BCLAF1: variants seen among roughly 807,000 people sequenced by gnomAD.
BCLAF1 encodes the protein bcl-2-associated transcription factor 1.
In BCLAF1, 10 loss-of-function variants were observed where a neutral mutation model predicts 99.5. The ratio of observed to expected loss-of-function variants is 0.10; its 90% CI spans 0.06 to 0.17. The LOEUF (loss-of-function observed/expected upper bound fraction) is 0.17, where lower values mean the gene tolerates loss of function less well. BCLAF1 is among the 10% of genes least tolerant of loss of function. The pLI, the probability that BCLAF1 is intolerant of heterozygous loss-of-function variation, is 1.00. For missense variants in BCLAF1, 636 were observed against 1,105.8 expected (o/e 0.58, Z 6.02); for synonymous variants, 255 against 370.9 (o/e 0.69, Z 3.59).
intron 1 of BCLAF1, among the ~76,000 whole-genome samples, chr6:136,286,525 T>C (rs1785154303): frequency 6.6e-6 from 1 of 152,272 alleles, no homozygotes; most frequent in African/African-American, 2.4e-5. Flanking sequence ...GTATACAATC[T>C]AGCATTAGCC....
chr6:136,277,939 C>T lies in BCLAF1; in HGVS notation c.942G>A (p.Glu314=), dbSNP rs767298274. ...GATAAAACGAGGAACGGCCCCTAGACTCATCTCTTGGAGCATTCTGTGGTG... is the reference window on the plus strand; with the variant it reads ...GATAAAACGAGGAACGGCCCCTAGATTCATCTCTTGGAGCATTCTGTGGTG... The part of the protein sequence containing the change: ...TIAPQNAPRD[E]SRGRSSFYPD... Residue 314 remains glutamate, a synonymous_variant, in exon 4 of 13, where the codon GAG becomes GAA. Coordinates refer to ENST00000531224, the MANE Select transcript of BCLAF1 (RefSeq NM_014739.3). The T allele has an allele frequency of 6.3e-7, 1 of 1,590,912 alleles. No individual in the cohort carries two copies. The highest frequency in any genetic ancestry group is 1.1e-5 in the South Asian group (1 of 87,234).
chr6:136,258,541 G>A lies in BCLAF1; in HGVS notation c.*2569C>T, dbSNP rs1780610643. On this transcript the variant is annotated 3_prime_UTR_variant, in exon 13 of 13. Coordinates refer to ENST00000531224, the MANE Select transcript of BCLAF1 (RefSeq NM_014739.3). ...CGCTGATATTCTAAAATAGGCCACA[G>A]AAATAAGATGTGTGAAATAGACACA... 1 of 152,488 alleles carries A rather than the reference G, an allele frequency of 6.6e-6. No individual in the cohort carries two copies. The highest frequency in any genetic ancestry group is 1.5e-5 in the Non-Finnish European group (1 of 67,934). 9.4% of individuals were successfully genotyped at this position (152,488 alleles called of 1,614,324 possible). A position where few individuals can be genotyped will look rare whatever the true frequency, so the allele number is the denominator to read the frequency against.
chr6:136,280,952 T>C (rs937588303), intron 2 of BCLAF1, among the ~76,000 whole-genome samples: 1 of 152,196 alleles, frequency 6.6e-6, no homozygotes, highest in African/African-American at 2.4e-5. Context: ...AATACTTAAA[T>C]AGTATCTCCT....
At chr6:136,268,389 C>A (rs762550843) in intron 9 of BCLAF1, 50 bp from the exon 10 acceptor site, 23 of 1,469,778 alleles carry the variant, frequency 1.6e-5, no homozygotes, top group Non-Finnish European at 2.1e-5. Context: ...AAGATAAAGA[C>A]CCTGCTGAAT....
At chr6:136,270,835 G>A (rs748302382) in intron 8 of BCLAF1, among the ~76,000 whole-genome samples, 5 of 151,778 alleles carry the variant, frequency 3.3e-5, no homozygotes, top group Non-Finnish European at 7.4e-5. Flanking sequence ...CACTGTCAGA[G>A]CACGAGGACA....
chr6:136,282,327 T>A (rs1219340789), intron 2 of BCLAF1, among the ~76,000 whole-genome samples: 1 of 152,050 alleles, frequency 6.6e-6, no homozygotes, highest in Non-Finnish European at 1.5e-5. Flanking sequence ...TTCTATCTTG[T>A]ATGTCCTGAG....
rs1583984844 is a variant in BCLAF1, at chr6:136,256,877, T to A, written c.*4233A>T. On this transcript the variant is annotated 3_prime_UTR_variant, in exon 13 of 13. Transcript: ENST00000531224. ...CCACTATTCTGGAGGGTGAGTGGTA[T>A]TTTTTATTTATTGTTGCTCTTCGCA... The A allele has an allele frequency of 6.6e-6, 1 of 152,164 alleles. No individual in the cohort carries two copies. The highest frequency in any genetic ancestry group is 2.1e-4 in the South Asian group (1 of 4,822). 9.4% of individuals were successfully genotyped at this position (152,164 alleles called of 1,614,324 possible). A position where few individuals can be genotyped will look rare whatever the true frequency, so the allele number is the denominator to read the frequency against.
intron 1 of BCLAF1, among the ~76,000 whole-genome samples, chr6:136,284,575 TTAAAG>T (rs1351643168): frequency 1.3e-5 from 2 of 152,184 alleles, no homozygotes; most frequent in African/African-American, 2.4e-5. Flanking sequence ...GCTAGGTGAC[TTAAAG>T]TAAATAAAAT....
Position 136,274,447 on chromosome 6 carries a change from G to A in BCLAF1, c.1852+1085C>T, listed in dbSNP as rs1183611278. ...AATGTTTCATATTTTATGTACCACA[G>A]TAATATGGTCATAAACTGGTTCACA... On this transcript the variant is annotated intron_variant, in intron 6 of 12. Transcript: ENST00000531224. 3.3e-5 allele frequency among the ~76,000 whole-genome samples: 5 copies of A among 151,698 alleles called. No individual in the cohort carries two copies. The East Asian group carries it at 9.7e-4, about 29-fold the overall frequency.
chr6:136,272,161 A>G, intron 7 of BCLAF1, 82 bp from the exon 8 acceptor site: 1 of 988,546 alleles, frequency 1.0e-6, no homozygotes, highest in Non-Finnish European at 1.5e-6. Context: ...CCATTTTCCT[A>G]AGACAGTTAT....
Position 136,275,522 on chromosome 6 carries a change from C to T in BCLAF1, c.1852+10G>A. 1 of 1,529,524 alleles carries T rather than the reference C, an allele frequency of 6.5e-7. No homozygotes were observed. The highest frequency in any genetic ancestry group is 2.3e-5 in the East Asian group (1 of 43,658). 94.7% of individuals were successfully genotyped at this position (1,529,524 alleles called of 1,614,324 possible). ...AATTTAATTCACGATACTAAACATA[C>T]TAAGCATACCTTTAACATGATGAAC... On this transcript the variant is annotated intron_variant, in intron 6 of 12. Coordinates refer to ENST00000531224, the MANE Select transcript of BCLAF1 (RefSeq NM_014739.3).
intron 3 of BCLAF1, among the ~76,000 whole-genome samples, chr6:136,279,110 A>G (rs1584086002): frequency 6.6e-6 from 1 of 152,078 alleles, no homozygotes; most frequent in Non-Finnish European, 1.5e-5. Flanking sequence ...GATGTTGTAA[A>G]AGAATATTTA....
At chr6:136,272,381 G>T (rs564558161) in intron 7 of BCLAF1, among the ~76,000 whole-genome samples, 1 of 151,964 alleles carries the variant, frequency 6.6e-6, no homozygotes, top group African/African-American at 2.4e-5. Flanking sequence ...ATGATTTTAA[G>T]CATCAACAAA....
chr6:136,261,286 C>T lies in BCLAF1; in HGVS notation c.2736G>A (p.Lys912=), dbSNP rs766644301. Residue 912 remains lysine, a synonymous_variant, in exon 12 of 13, where the codon AAG becomes AAA. Transcript: ENST00000531224. ...EETMENNEEK[K]DRRKEEKE ...ATACCTTTTCTTCCTTGCGTCTGTC[C>T]TTCTTTTCTTCATTATTTTCCATGG... 2.0e-5 allele frequency: 33 copies of T among 1,613,312 alleles called. No homozygotes were observed. Among genetic ancestry groups the T allele is most frequent in the African/African-American group, 5.3e-5 (4 of 74,814 alleles).
chr6:136,259,363 C>T lies in BCLAF1; in HGVS notation c.*1747G>A, dbSNP rs1224898541. 1 of 151,972 alleles carries T rather than the reference C, an allele frequency of 6.6e-6. No individual in the cohort carries two copies. The highest frequency in any genetic ancestry group is 2.4e-5 in the African/African-American group (1 of 41,426). The allele number at this position is 151,972 out of a possible 1,614,324, so 9.4% of individuals were successfully genotyped here. A position where few individuals can be genotyped will look rare whatever the true frequency, so the allele number is the denominator to read the frequency against. On this transcript the variant is annotated 3_prime_UTR_variant, in exon 13 of 13. Transcript: ENST00000531224. ...TCATGCACACAGATTTGATGTCTAA[C>T]CAAGTAACTGTTATGGTATTTATTT...
rs571826030 is a variant in BCLAF1, at chr6:136,287,412, C to T, written c.-115+2301G>A. ...GTTAGTATATTCGTTGGTTTTCAGC[C>T]TTAGGGACAGTCAGATAAAATATTA... On this transcript the variant is annotated intron_variant, in intron 1 of 12. Transcript: ENST00000531224. Among the ~76,000 whole-genome samples, 181 of 152,220 alleles carry T rather than the reference C, an allele frequency of 1.2e-3. 4 individuals carry two copies. The Middle Eastern group carries it at 0.024, about 20-fold the overall frequency.
At chr6:136,276,532 T>C (rs376937026) in intron 4 of BCLAF1, 24 bp from the exon 5 acceptor site, 81 of 1,565,824 alleles carry the variant, frequency 5.2e-5, no homozygotes, top group African/African-American at 1.6e-4. Flanking sequence ...AAGAAGAGGA[T>C]AGTAACTCTG....
chr6:136,267,115 T>A lies in BCLAF1; in HGVS notation c.2458A>T (p.Asn820Tyr). Residue 820 changes from asparagine (N) to tyrosine (Y), a missense_variant, in exon 11 of 13, where the codon AAC (asparagine) becomes TAC (tyrosine). Asn to Tyr is a moderately radical substitution (Grantham distance 143). This residue lies in a region of BCLAF1 where 30 missense variants were observed against 22.9 expected (regional missense o/e 1.31). Transcript: ENST00000531224. ...TTTTGAAAAGTAGTATTTGAGTTGTTTGGACCAGTATTTGTCCCAGCAAAA... is the reference window on the plus strand; with the variant it reads ...TTTTGAAAAGTAGTATTTGAGTTGTATGGACCAGTATTTGTCCCAGCAAAA... ...GVFAGTNTGPNNSNTTFQKRP... is the reference protein window; with the variant it reads ...GVFAGTNTGPYNSNTTFQKRP... The A allele has an allele frequency of 6.2e-7, 1 of 1,613,278 alleles. No individual in the cohort carries two copies. Among genetic ancestry groups the A allele is most frequent in the Non-Finnish European group, 8.5e-7 (1 of 1,179,432 alleles).
intron 11 of BCLAF1, among the ~76,000 whole-genome samples, chr6:136,266,760 A>G (rs1306208141): frequency 6.6e-6 from 1 of 152,106 alleles, no homozygotes; most frequent in Non-Finnish European, 1.5e-5. Context: ...CAACTATAAT[A>G]TAATGTTTTT....
Sources: gnomAD v4.1 joint callset for allele counts (sites outside exome capture counted in the v4.1 genomes callset) on GRCh38, gnomAD v4.1.1 for gene constraint, gnomAD v4.1.1 regional missense constraint, MANE v1.5 for transcripts, NCBI Gene and HGNC (gene_info 2026-07-23, HGNC 2026-07-21) for gene names.